The following FANCC variants were observed in gnomAD, a reference collection of about 807,000 sequenced individuals.
FANCC encodes the protein Fanconi anemia group C protein.
FANCC carries 55 observed loss-of-function variants against 71.3 expected under a neutral mutation model. The ratio of observed to expected loss-of-function variants is 0.77; its 90% CI spans 0.62 to 0.97. The LOEUF is 0.97. FANCC is among the 50% of genes least tolerant of loss of function. FANCC has a pLI of 0.00. For synonymous variants in FANCC, 275 were observed against 244.9 expected (o/e 1.12, Z -1.15); for missense variants, 678 against 670.9 (o/e 1.01, Z -0.12).
chr9:95,136,152 AG>A, intron 7 of FANCC, among the ~76,000 whole-genome samples: 1 of 152,306 alleles, frequency 6.6e-6, no homozygotes, highest in Admixed American at 6.5e-5. Flanking sequence ...ACACTTTGAG[AG>A]ACTGAGGTAG....
intron 4 of FANCC, among the ~76,000 whole-genome samples, chr9:95,237,248 T>C (rs1046464565): frequency 6.6e-6 from 1 of 152,224 alleles, no homozygotes; most frequent in Non-Finnish European, 1.5e-5. Context: ...TTCATCTCAA[T>C]GTAAAGCATG....
chr9:95,104,969 G>C (rs534064495), intron 14 of FANCC, among the ~76,000 whole-genome samples: 1 of 152,114 alleles, frequency 6.6e-6, no homozygotes, highest in African/African-American at 2.4e-5. Flanking sequence ...GGCTTATTTC[G>C]CTCAGTGTAA....
intron 8 of FANCC, chr9:95,126,937 A>G (rs986016928): frequency 6.5e-6 from 2 of 309,302 alleles, no homozygotes; most frequent in East Asian, 1.5e-4. Context: ...GTTCTACTGA[A>G]GTGTGCCTGT....
At chr9:95,285,476 C>T (rs1018452546) in intron 1 of FANCC, among the ~76,000 whole-genome samples, 2 of 152,114 alleles carry the variant, frequency 1.3e-5, no homozygotes, top group South Asian at 4.1e-4. Context: ...TTTCTTCTTT[C>T]AACAAACATC....
intron 4 of FANCC, among the ~76,000 whole-genome samples, chr9:95,208,916 T>C (rs1406062918): frequency 6.6e-6 from 1 of 152,166 alleles, no homozygotes; most frequent in Non-Finnish European, 1.5e-5. Context: ...TGAAAACTTG[T>C]GTCCCCACAA....
intron 10 of FANCC, among the ~76,000 whole-genome samples, chr9:95,120,504 T>C (rs1238606862): frequency 2.0e-5 from 3 of 151,924 alleles, no homozygotes; most frequent in Non-Finnish European, 4.4e-5. Context: ...AGCCTCCACG[T>C]TCTGGGCTCA....
chr9:95,270,358 G>A (rs909513672), intron 1 of FANCC, among the ~76,000 whole-genome samples: 1 of 152,048 alleles, frequency 6.6e-6, no homozygotes, highest in African/African-American at 2.4e-5. Flanking sequence ...GCAACCACCC[G>A]GAGAAACGGC....
intron 1 of FANCC, among the ~76,000 whole-genome samples, chr9:95,271,667 AAGG>A (rs1431665376): frequency 1.3e-5 from 2 of 152,192 alleles, no homozygotes; most frequent in East Asian, 1.9e-4. Flanking sequence ...CGCATCCTGC[AAGG>A]AGGTGTATGA....
chr9:95,222,125 T>G (rs979323218), intron 4 of FANCC, among the ~76,000 whole-genome samples: 3 of 148,774 alleles, frequency 2.0e-5, no homozygotes, highest in African/African-American at 5.0e-5. Flanking sequence ...GCCCAGATGT[T>G]TAAGTCCAGC....
At chr9:95,182,942 A>G (rs1826469640) in intron 4 of FANCC, among the ~76,000 whole-genome samples, 1 of 151,498 alleles carries the variant, frequency 6.6e-6, no homozygotes, top group Non-Finnish European at 1.5e-5. Flanking sequence ...CTCTCCTGTC[A>G]CCCCCTAAGG....
intron 1 of FANCC, among the ~76,000 whole-genome samples, chr9:95,260,627 C>CGT (rs1831973049): frequency 6.8e-6 from 1 of 146,084 alleles, no homozygotes; most frequent in Non-Finnish European, 1.5e-5. Context: ...CACCATGGCA[C>CGT]GTGTATACCT....
Position 95,135,526 on chromosome 9 carries a change from T to C in FANCC, c.687-24A>G, listed in dbSNP as rs750383087. On this transcript the variant is annotated intron_variant, in intron 7 of 14. Coordinates refer to ENST00000289081, the MANE Select transcript of FANCC (RefSeq NM_000136.3). The stretch of plus-strand genomic sequence containing the variant: ...TCCTTTCAGAAAGAAATAAACAAAA[T>C]TTTAAACAGAAATGGCTCACTGAAA... 3.7e-6 allele frequency: 6 copies of C among 1,610,290 alleles called. No homozygotes were observed. The East Asian group carries it at 1.1e-4, about 30-fold the overall frequency.
chr9:95,179,667 A>T (rs1265438988), intron 4 of FANCC, among the ~76,000 whole-genome samples: 1 of 152,176 alleles, frequency 6.6e-6, no homozygotes, highest in Non-Finnish European at 1.5e-5. Flanking sequence ...TCTTAAGAGG[A>T]TAAAAAGTTA....
intron 14 of FANCC, among the ~76,000 whole-genome samples, chr9:95,106,318 T>C (rs1184879628): frequency 6.6e-6 from 1 of 152,258 alleles, no homozygotes; most frequent in Non-Finnish European, 1.5e-5. Flanking sequence ...TTGTTTATCT[T>C]TTTGTTGTTG....
At chr9:95,283,655 A>G (rs1460347798) in intron 1 of FANCC, among the ~76,000 whole-genome samples, 1 of 152,252 alleles carries the variant, frequency 6.6e-6, no homozygotes, top group Non-Finnish European at 1.5e-5. Context: ...TCCAATTATA[A>G]TATTACATGC....
intron 4 of FANCC, among the ~76,000 whole-genome samples, chr9:95,218,648 G>A (rs1829030276): frequency 1.3e-5 from 2 of 152,058 alleles, no homozygotes; most frequent in Admixed American, 6.6e-5. Context: ...TGAAAAGTAG[G>A]TTTAACATTA....
chr9:95,285,726 A>G (rs1321032218), intron 1 of FANCC, among the ~76,000 whole-genome samples: 1 of 152,156 alleles, frequency 6.6e-6, no homozygotes, highest in Non-Finnish European at 1.5e-5. Context: ...AGCCACTCAT[A>G]TGCAGGTTTC....
intron 1 of FANCC, among the ~76,000 whole-genome samples, chr9:95,282,031 C>A (rs1833411045): frequency 6.6e-6 from 1 of 150,760 alleles, no homozygotes; most frequent in Admixed American, 6.6e-5. Context: ...AATAAAATGA[C>A]AGTAGTAAAT....
chr9:95,163,860 T>C (rs950343033), intron 6 of FANCC, among the ~76,000 whole-genome samples: 1 of 152,034 alleles, frequency 6.6e-6, no homozygotes, highest in Non-Finnish European at 1.5e-5. Flanking sequence ...AAAACAAAAA[T>C]AAACAAACAA....
Sources: gnomAD v4.1 joint callset for allele counts (sites outside exome capture counted in the v4.1 genomes callset) on GRCh38, gnomAD v4.1.1 for gene constraint, MANE v1.5 for transcripts, NCBI Gene and HGNC (gene_info 2026-07-23, HGNC 2026-07-21) for gene names.